Variants in JMJD1C observed in about 807,000 individuals in gnomAD.
JMJD1C encodes the protein jumonji domain-containing protein 1C.
JMJD1C carries 31 observed loss-of-function variants against 245.3 expected under a neutral mutation model. That is an observed-to-expected ratio of 0.13 (90% confidence interval 0.09 to 0.17). JMJD1C has a LOEUF of 0.17. Among genes scored for constraint, JMJD1C ranks in the 10% least tolerant of loss-of-function variants. The pLI is 1.00. For synonymous variants in JMJD1C, 1,057 were observed against 1,017.4 expected (o/e 1.04, Z -0.74); for missense variants, 2,691 against 3,000.2 (o/e 0.90, Z 2.41).
intron 2 of JMJD1C, among the ~76,000 whole-genome samples, chr10:63,271,358 G>A (rs1398419525): frequency 6.6e-6 from 1 of 151,256 alleles, no homozygotes; most frequent in Non-Finnish European, 1.5e-5. Flanking sequence ...TGTATTTTCA[G>A]TAGAGACAGG....
intron 1 of JMJD1C, among the ~76,000 whole-genome samples, chr10:63,453,814 C>G (rs147684749): frequency 2.1e-4 from 32 of 152,334 alleles, no homozygotes; most frequent in African/African-American, 7.5e-4. Context: ...CTTTGGCTCA[C>G]TGCAACCTCC....
chr10:63,304,546 G>A (rs1206752989), intron 2 of JMJD1C, among the ~76,000 whole-genome samples: 2 of 152,106 alleles, frequency 1.3e-5, no homozygotes, highest in African/African-American at 4.8e-5. Context: ...CTTGTTTTTT[G>A]GGTTGTCAGG....
intron 2 of JMJD1C, among the ~76,000 whole-genome samples, chr10:63,347,917 A>G (rs554914290): frequency 6.6e-6 from 1 of 152,138 alleles, no homozygotes; most frequent in East Asian, 1.9e-4. Flanking sequence ...CCATCTCAAA[A>G]CAAGAGAAAT....
intron 3 of JMJD1C, among the ~76,000 whole-genome samples, chr10:63,237,784 T>A (rs1203846753): frequency 6.6e-6 from 1 of 152,072 alleles, no homozygotes; most frequent in Non-Finnish European, 1.5e-5. Context: ...GCACTTCCTT[T>A]GAGTGTTTCA....
chr10:63,488,967 A>G (rs1368860783), intron 1 of JMJD1C, among the ~76,000 whole-genome samples: 4 of 152,234 alleles, frequency 2.6e-5, no homozygotes, highest in South Asian at 4.1e-4. Flanking sequence ...CGATGGTCCC[A>G]TAAGATTATG....
chr10:63,455,885 TA>T (rs1952378264), intron 1 of JMJD1C, among the ~76,000 whole-genome samples: 1 of 152,154 alleles, frequency 6.6e-6, no homozygotes, highest in Non-Finnish European at 1.5e-5. Flanking sequence ...AATGATATTT[TA>T]ATTAATCACA....
chr10:63,465,313 C>A, intron 1 of JMJD1C, 182 bp downstream of exon 1: 2 of 658,550 alleles, frequency 3.0e-6, no homozygotes, highest in East Asian at 2.8e-5. Context: ...ACAGGGGAAG[C>A]CGCTCGGAGA....
At chr10:63,328,788 T>C (rs931865184) in intron 2 of JMJD1C, among the ~76,000 whole-genome samples, 1 of 152,256 alleles carries the variant, frequency 6.6e-6, no homozygotes, top group Non-Finnish European at 1.5e-5. Flanking sequence ...CTCAGTTTAA[T>C]ATGTACTTTA....
chr10:63,185,704 T>G, intron 19 of JMJD1C, 51 bp from the exon 20 acceptor site: 1 of 991,852 alleles, frequency 1.0e-6, no homozygotes, highest in South Asian at 1.3e-5. Flanking sequence ...CCTTTTTATC[T>G]TTATTAACAT....
At chr10:63,350,943 T>C (rs930944330) in intron 2 of JMJD1C, among the ~76,000 whole-genome samples, 2 of 151,922 alleles carry the variant, frequency 1.3e-5, no homozygotes, top group Admixed American at 1.3e-4. Context: ...ACATTAAATA[T>C]TTCTCCCAAC....
chr10:63,178,449 T>C (rs1843069925), intron 22 of JMJD1C, among the ~76,000 whole-genome samples: 1 of 152,184 alleles, frequency 6.6e-6, no homozygotes, highest in Admixed American at 6.5e-5. Flanking sequence ...TAACAATGAC[T>C]TGTACTCATA....
At chr10:63,513,275 G>A (rs1954923808) in intron 1 of JMJD1C, among the ~76,000 whole-genome samples, 1 of 152,112 alleles carries the variant, frequency 6.6e-6, no homozygotes, top group Non-Finnish European at 1.5e-5. Context: ...AATGAAACTG[G>A]ATGCCTACCT....
At chr10:63,307,131 C>T (rs1176911857) in intron 2 of JMJD1C, among the ~76,000 whole-genome samples, 2 of 151,782 alleles carry the variant, frequency 1.3e-5, no homozygotes, top group South Asian at 2.1e-4. Flanking sequence ...TTGGTGTCCA[C>T]AACAAATAAT....
chr10:63,260,081 A>T (rs982221981), intron 3 of JMJD1C, among the ~76,000 whole-genome samples: 1 of 152,166 alleles, frequency 6.6e-6, no homozygotes, highest in Non-Finnish European at 1.5e-5. Flanking sequence ...TCTAGGATTT[A>T]TGATTCTACC....
intron 1 of JMJD1C, among the ~76,000 whole-genome samples, chr10:63,453,232 G>A (rs541558683): frequency 3.3e-5 from 5 of 152,262 alleles, no homozygotes; most frequent in East Asian, 1.9e-4. Context: ...CCGAGATGGC[G>A]CCACTGCACT....
intron 1 of JMJD1C, among the ~76,000 whole-genome samples, chr10:63,414,290 T>C (rs1949675621): frequency 6.6e-6 from 1 of 152,198 alleles, no homozygotes; most frequent in African/African-American, 2.4e-5. Context: ...CAGCCAATAC[T>C]GTGTATTTTC....
intron 1 of JMJD1C, among the ~76,000 whole-genome samples, chr10:63,422,471 A>G (rs139095231): frequency 0.013 from 2,023 of 152,256 alleles, 30 homozygotes; most frequent in African/African-American, 0.034. Flanking sequence ...TAATAGATCT[A>G]TTTTACCTTT....
chr10:63,362,701 G>A (rs750902980), intron 2 of JMJD1C, among the ~76,000 whole-genome samples: 105 of 151,988 alleles, frequency 6.9e-4, no homozygotes, highest in African/African-American at 2.3e-3. Context: ...GGCTAGTCTC[G>A]AACTCCTGGG....
At chr10:63,277,149 G>A (rs557558187) in intron 2 of JMJD1C, among the ~76,000 whole-genome samples, 85 of 151,942 alleles carry the variant, frequency 5.6e-4, no homozygotes, top group African/African-American at 1.9e-3. Flanking sequence ...TCAAAGTGCT[G>A]GGATTACAGG....
Sources: gnomAD v4.1 joint callset for allele counts (sites outside exome capture counted in the v4.1 genomes callset) on GRCh38, gnomAD v4.1.1 for gene constraint, MANE v1.5 for transcripts, NCBI Gene and HGNC (gene_info 2026-07-23, HGNC 2026-07-21) for gene names.